The following RBFOX1 variants were observed in gnomAD, a reference collection of about 807,000 sequenced individuals.
The protein encoded by RBFOX1 is RNA binding fox-1 homolog 1, also known as RNA binding protein fox-1 homolog 1.
RBFOX1 carries 8 observed loss-of-function variants against 57.7 expected under a neutral mutation model. That is an observed-to-expected ratio of 0.14 (90% confidence interval 0.08 to 0.25). RBFOX1 has a LOEUF of 0.25. Among genes scored for constraint, RBFOX1 ranks in the 10% least tolerant of loss-of-function variants. RBFOX1 has a pLI of 1.00. For synonymous variants in RBFOX1, 326 were observed against 222.4 expected, an observed-to-expected ratio of 1.47 and a Z score of -4.15; for missense variants, 611 against 548.5, an observed-to-expected ratio of 1.11 and a Z score of -1.14.
intron 3 of RBFOX1, among the ~76,000 whole-genome samples, chr16:5,844,861 T>A (rs963250412): frequency 6.6e-6 from 1 of 152,134 alleles, no homozygotes; most frequent in Non-Finnish European, 1.5e-5. Flanking sequence ...TAGGGCCTTG[T>A]AATGACCCAT....
chr16:6,426,473 G>T (rs2152997052), intron 2 of RBFOX1, among the ~76,000 whole-genome samples: 1 of 152,186 alleles, frequency 6.6e-6, no homozygotes, highest in Middle Eastern at 3.4e-3. Flanking sequence ...TTGAAAGAAA[G>T]GACTAAAATA....
intron 1 of RBFOX1, among the ~76,000 whole-genome samples, chr16:5,393,231 A>C (rs2066462240): frequency 2.0e-5 from 3 of 152,140 alleles, no homozygotes. Flanking sequence ...ACTGTACCCC[A>C]GCACTGGACA....
intron 4 of RBFOX1, among the ~76,000 whole-genome samples, chr16:7,296,446 G>T (rs905903157): frequency 1.3e-5 from 2 of 152,192 alleles, no homozygotes; most frequent in East Asian, 3.9e-4. Flanking sequence ...AACTGTCCAT[G>T]TCATTGAGGG....
At chr16:5,909,090 CTT>C (rs3041577) in intron 4 of RBFOX1, among the ~76,000 whole-genome samples, 8 of 116,376 alleles carry the variant, frequency 6.9e-5, no homozygotes, top group Admixed American at 1.0e-4. Context: ...CTAAGCCCCC[CTT>C]TTTTTTTTTT....
At chr16:7,137,453 C>T (rs913550753) in intron 4 of RBFOX1, among the ~76,000 whole-genome samples, 2 of 152,066 alleles carry the variant, frequency 1.3e-5, no homozygotes, top group African/African-American at 4.8e-5. Context: ...AGGGGAAACC[C>T]CTTCACTTGG....
intron 10 of RBFOX1, among the ~76,000 whole-genome samples, chr16:7,618,331 A>G (rs915111930): frequency 2.6e-5 from 4 of 152,190 alleles, no homozygotes; most frequent in African/African-American, 7.2e-5. Context: ...TAAGACTTGT[A>G]TTATTACTAA....
intron 3 of RBFOX1, among the ~76,000 whole-genome samples, chr16:6,989,872 C>T (rs920884251): frequency 6.6e-6 from 1 of 151,914 alleles, no homozygotes; most frequent in Non-Finnish European, 1.5e-5. Flanking sequence ...TGGTGATGGG[C>T]ACCGTATAAT....
chr16:6,294,408 G>A (rs984197292), intron 1 of RBFOX1, among the ~76,000 whole-genome samples: 6 of 152,180 alleles, frequency 3.9e-5, no homozygotes, highest in African/African-American at 7.2e-5. Context: ...GTAACTTTGC[G>A]TAAATTGTTT....
At chr16:6,089,246 C>G (rs931868205) in intron 1 of RBFOX1, among the ~76,000 whole-genome samples, 3 of 151,960 alleles carry the variant, frequency 2.0e-5, no homozygotes, top group African/African-American at 7.3e-5. Flanking sequence ...AACTGAGTAG[C>G]AGGATATTGA....
chr16:6,336,657 C>T (rs376800137), intron 2 of RBFOX1, among the ~76,000 whole-genome samples: 1 of 152,114 alleles, frequency 6.6e-6, no homozygotes, highest in Non-Finnish European at 1.5e-5. Flanking sequence ...GCCTCTGTCT[C>T]CTCATCTCTG....
chr16:5,816,985 T>G (rs1011101132), intron 3 of RBFOX1, among the ~76,000 whole-genome samples: 3 of 152,226 alleles, frequency 2.0e-5, no homozygotes, highest in African/African-American at 7.2e-5. Flanking sequence ...AAAATATTTC[T>G]TCTGTCAGTC....
intron 3 of RBFOX1, among the ~76,000 whole-genome samples, chr16:5,776,811 A>G (rs896381244): frequency 3.3e-5 from 5 of 152,194 alleles, no homozygotes; most frequent in Non-Finnish European, 5.9e-5. Flanking sequence ...TCCCTCCAGA[A>G]CAGCCCTGTC....
At chr16:7,183,860 C>T (rs139042985) in intron 4 of RBFOX1, among the ~76,000 whole-genome samples, 1 of 152,298 alleles carries the variant, frequency 6.6e-6, no homozygotes, top group African/African-American at 2.4e-5. Flanking sequence ...TATCAGGTCT[C>T]TGCCCTCATG....
chr16:5,794,735 C>T (rs1259601174), intron 3 of RBFOX1, among the ~76,000 whole-genome samples: 1 of 152,130 alleles, frequency 6.6e-6, no homozygotes, highest in African/African-American at 2.4e-5. Flanking sequence ...AGCTGAGGTT[C>T]CTAATGTTTA....
chr16:5,684,568 C>G (rs1181133601), intron 3 of RBFOX1, among the ~76,000 whole-genome samples: 1 of 152,172 alleles, frequency 6.6e-6, no homozygotes, highest in Non-Finnish European at 1.5e-5. Flanking sequence ...CTCAAGCTTT[C>G]CAAGGACGGA....
At chr16:7,354,605 A>G (rs2097182500) in intron 4 of RBFOX1, among the ~76,000 whole-genome samples, 1 of 152,210 alleles carries the variant, frequency 6.6e-6, no homozygotes, top group Non-Finnish European at 1.5e-5. Flanking sequence ...CATTCAATTT[A>G]AGCACTATTA....
intron 1 of RBFOX1, among the ~76,000 whole-genome samples, chr16:6,078,168 A>G (rs984454491): frequency 3.9e-5 from 6 of 152,254 alleles, no homozygotes; most frequent in Admixed American, 2.0e-4. Flanking sequence ...GGTAACATGT[A>G]TGAGGAAATG....
intron 4 of RBFOX1, among the ~76,000 whole-genome samples, chr16:7,436,464 C>G (rs2098722104): frequency 6.6e-6 from 1 of 152,186 alleles, no homozygotes; most frequent in Non-Finnish European, 1.5e-5. Context: ...CACTGTCAAA[C>G]ACAGGTGGAG....
At chr16:7,330,565 A>G (rs921914118) in intron 4 of RBFOX1, among the ~76,000 whole-genome samples, 21 of 150,488 alleles carry the variant, frequency 1.4e-4, no homozygotes, top group African/African-American at 2.9e-4. Flanking sequence ...CATAAATACA[A>G]TGGATCACTA....
Sources: allele counts gnomAD v4.1 joint callset (sites outside exome capture counted in the v4.1 genomes callset), GRCh38; gene constraint gnomAD v4.1.1; transcripts MANE v1.5; gene names NCBI Gene and HGNC (gene_info 2026-07-23, HGNC 2026-07-21).